GRK3: variants seen among roughly 807,000 people sequenced by gnomAD.
GRK3 encodes the protein adrenergic, beta, receptor kinase 2.
GRK3 carries 54 observed loss-of-function variants against 95.7 expected under a neutral mutation model. The observed-to-expected ratio is 0.56, with a 90% CI of 0.45 to 0.71. The LOEUF is 0.71. GRK3 is among the 30% of genes least tolerant of loss of function. The probability of loss-of-function intolerance (pLI) is 0.00; values close to 1 mark genes in which losing one functional copy is unlikely to be tolerated. For missense variants in GRK3, 649 were observed against 851.2 expected (o/e 0.76, Z 2.96); for synonymous variants, 281 against 290.8 (o/e 0.97, Z 0.34).
chr22:25,664,525 T>C (rs2084929202), intron 5 of GRK3, among the ~76,000 whole-genome samples: 1 of 147,942 alleles, frequency 6.8e-6, no homozygotes, highest in Non-Finnish European at 1.5e-5. Context: ...CATTTTTTTT[T>C]TTTTTTTTTT....
At chr22:25,566,541 A>G (rs962248890) in intron 1 of GRK3, among the ~76,000 whole-genome samples, 11 of 152,194 alleles carry the variant, frequency 7.2e-5, no homozygotes, top group Admixed American at 7.2e-4. Context: ...GTTTTGCAGG[A>G]TGTGCTACTC....
chr22:25,709,472 A>G (rs1442502926), intron 15 of GRK3, among the ~76,000 whole-genome samples: 1 of 152,234 alleles, frequency 6.6e-6, no homozygotes, highest in Non-Finnish European at 1.5e-5. Context: ...GGTGCTTCAC[A>G]TTCCTGTCAT....
chr22:25,703,971 ATAGAG>A (rs1415272453), intron 14 of GRK3, 133 bp from the exon 15 acceptor site: 1 of 613,420 alleles, frequency 1.6e-6, no homozygotes, highest in East Asian at 2.9e-5. Flanking sequence ...TCATGTTTCT[ATAGAG>A]TAAATATTAA....
intron 2 of GRK3, among the ~76,000 whole-genome samples, chr22:25,616,120 G>A (rs1417877004): frequency 6.6e-6 from 1 of 151,982 alleles, no homozygotes; most frequent in Non-Finnish European, 1.5e-5. Context: ...TTGAGAGTTG[G>A]GATGGCATAA....
At position 25,596,932 on chromosome 22, in the gene GRK3, T is replaced by C. The variant is rs148303569; in HGVS notation, c.114-7445T>C. Among the ~76,000 whole-genome samples, 626 of 152,334 alleles carry C rather than the reference T, an allele frequency of 4.1e-3. 4 individuals are homozygous for C. The highest frequency in any genetic ancestry group is 0.014 in the African/African-American group (571 of 41,576). ...TATAGTACCAGCATGAGAACAAGGA[T>C]ACTGAGAATAATTTCCTTCTACTGT... On this transcript the variant is annotated intron_variant, in intron 1 of 20. Coordinates refer to ENST00000324198, the MANE Select transcript of GRK3 (RefSeq NM_005160.4).
At chr22:25,686,644 T>G (rs1382350185) in intron 10 of GRK3, among the ~76,000 whole-genome samples, 1 of 152,200 alleles carries the variant, frequency 6.6e-6, no homozygotes, top group African/African-American at 2.4e-5. Flanking sequence ...TTGACAGCAT[T>G]CTCTGTCTGT....
At chr22:25,616,458 C>T (rs2084539670) in intron 2 of GRK3, among the ~76,000 whole-genome samples, 1 of 151,996 alleles carries the variant, frequency 6.6e-6, no homozygotes, top group African/African-American at 2.4e-5. Flanking sequence ...GATCTTGTGG[C>T]AACTCACTCT....
At chr22:25,657,908 A>G in intron 3 of GRK3, among the ~76,000 whole-genome samples, 1 of 151,896 alleles carries the variant, frequency 6.6e-6, no homozygotes, top group East Asian at 1.9e-4. Flanking sequence ...TAGATTGGAT[A>G]CTTCCTGTGG....
intron 9 of GRK3, among the ~76,000 whole-genome samples, chr22:25,680,625 A>ACTCTTTT (rs2085066607): frequency 6.6e-6 from 1 of 152,202 alleles, no homozygotes; most frequent in Admixed American, 6.5e-5. Flanking sequence ...TGTAACCCTA[A>ACTCTTTT]AAGAGTAAAT....
At chr22:25,717,068 G>T (rs962106880) in intron 18 of GRK3, among the ~76,000 whole-genome samples, 2 of 152,204 alleles carry the variant, frequency 1.3e-5, no homozygotes, top group Non-Finnish European at 2.9e-5. Context: ...TGCCAAGAAG[G>T]TTCGGGACCA....
intron 2 of GRK3, among the ~76,000 whole-genome samples, chr22:25,636,390 A>G (rs779390242): frequency 5.9e-5 from 9 of 152,210 alleles, no homozygotes; most frequent in East Asian, 1.9e-4. Context: ...ATTCAGTGCT[A>G]CAATGTACAT....
chr22:25,682,307 G>A (rs906826792), intron 9 of GRK3, among the ~76,000 whole-genome samples: 2 of 152,122 alleles, frequency 1.3e-5, no homozygotes, highest in Non-Finnish European at 2.9e-5. Context: ...GCAGGAAGGG[G>A]CATGGTCCAT....
chr22:25,604,008 T>TG (rs577198214), intron 1 of GRK3, among the ~76,000 whole-genome samples: 1 of 151,984 alleles, frequency 6.6e-6, no homozygotes. Flanking sequence ...GAATTTGTGG[T>TG]GGGGGGGCAC....
At chr22:25,580,810 T>C (rs1351336602) in intron 1 of GRK3, among the ~76,000 whole-genome samples, 1 of 152,210 alleles carries the variant, frequency 6.6e-6, no homozygotes, top group African/African-American at 2.4e-5. Context: ...CTGAGATTTG[T>C]TTTAAAATGC....
At chr22:25,607,084 TTGTG>T (rs371753826) in intron 2 of GRK3, among the ~76,000 whole-genome samples, 1 of 151,430 alleles carries the variant, frequency 6.6e-6, no homozygotes, top group South Asian at 2.1e-4. Context: ...ATGTATGTGT[TTGTG>T]TGTGTGTGTG....
At chr22:25,601,776 A>T (rs1023784435) in intron 1 of GRK3, among the ~76,000 whole-genome samples, 7 of 152,208 alleles carry the variant, frequency 4.6e-5, no homozygotes, top group African/African-American at 1.7e-4. Context: ...ATGAAATATT[A>T]TACAGAAAAA....
At chr22:25,614,339 G>T (rs1376751648) in intron 2 of GRK3, among the ~76,000 whole-genome samples, 1 of 152,068 alleles carries the variant, frequency 6.6e-6, no homozygotes, top group Non-Finnish European at 1.5e-5. Flanking sequence ...TTGCCATGTT[G>T]CCCAGGCTGA....
At chr22:25,674,312 G>A in intron 7 of GRK3, 125 bp from the exon 8 acceptor site, 1 of 712,342 alleles carries the variant, frequency 1.4e-6, no homozygotes, top group East Asian at 2.9e-5. Context: ...ACTCAGTCAT[G>A]AAAAGGGTAG....
chr22:25,572,583 T>G (rs552143369), intron 1 of GRK3, among the ~76,000 whole-genome samples: 15 of 152,322 alleles, frequency 9.8e-5, no homozygotes, highest in Admixed American at 9.8e-4. Context: ...ACTCACACTT[T>G]CTTGCTTGCT....
Sources: gnomAD v4.1 joint callset for allele counts (sites outside exome capture counted in the v4.1 genomes callset) on GRCh38, gnomAD v4.1.1 for gene constraint, MANE v1.5 for transcripts, NCBI Gene and HGNC (gene_info 2026-07-23, HGNC 2026-07-21) for gene names.